Variants in PTPRN2 observed in about 807,000 individuals in gnomAD.
PTPRN2 encodes the protein protein tyrosine phosphatase receptor type N2, also known as receptor-type tyrosine-protein phosphatase N2.
In PTPRN2, 74 loss-of-function variants were observed where a neutral mutation model predicts 118.8. The observed-to-expected ratio is 0.62, with a 90% CI of 0.52 to 0.76. The LOEUF (loss-of-function observed/expected upper bound fraction) is 0.76. Among genes scored for constraint, PTPRN2 ranks in the 30% least tolerant of loss-of-function variants. PTPRN2 has a pLI of 0.00. For synonymous variants in PTPRN2, 641 were observed against 608.0 expected (o/e 1.05, Z -0.80); for missense variants, 1,481 against 1,394.4 (o/e 1.06, Z -0.99).
chr7:157,582,218 G>A (rs947946424), intron 17 of PTPRN2, among the ~76,000 whole-genome samples: 28 of 152,300 alleles, frequency 1.8e-4, no homozygotes, highest in African/African-American at 5.5e-4. Context: ...CCCCGCCTAC[G>A]CTTCCTATCA....
intron 12 of PTPRN2, among the ~76,000 whole-genome samples, chr7:157,811,367 CAT>C (rs557823221): frequency 2.2e-4 from 28 of 126,574 alleles, no homozygotes; most frequent in Non-Finnish European, 4.4e-4. Flanking sequence ...TATGCACACA[CAT>C]GTATGTTTTA....
chr7:158,208,241 T>C (rs1355689229), intron 3 of PTPRN2, among the ~76,000 whole-genome samples: 1 of 152,156 alleles, frequency 6.6e-6, no homozygotes, highest in African/African-American at 2.4e-5. Context: ...GTTGAAAGGA[T>C]AATAATGAGA....
At chr7:157,719,817 T>C (rs1208467462) in intron 12 of PTPRN2, among the ~76,000 whole-genome samples, 1 of 152,246 alleles carries the variant, frequency 6.6e-6, no homozygotes, top group African/African-American at 2.4e-5. Flanking sequence ...GTCTCATTAA[T>C]TTACAGTCTA....
chr7:158,341,161 G>A (rs1310769020), intron 2 of PTPRN2, among the ~76,000 whole-genome samples: 24 of 144,168 alleles, frequency 1.7e-4, no homozygotes, highest in South Asian at 2.2e-4. Flanking sequence ...GCTGACGCCC[G>A]CAGACGTCAC....
chr7:158,328,893 G>A (rs1029081324), intron 2 of PTPRN2, among the ~76,000 whole-genome samples: 6 of 137,046 alleles, frequency 4.4e-5, no homozygotes, highest in East Asian at 2.2e-4. Flanking sequence ...TGTTCCTCTC[G>A]CCACCCAGGG....
intron 2 of PTPRN2, among the ~76,000 whole-genome samples, chr7:158,391,753 CAGG>C (rs1340265718): frequency 6.6e-6 from 1 of 152,184 alleles, no homozygotes; most frequent in Non-Finnish European, 1.5e-5. Flanking sequence ...TGGGAGGAGG[CAGG>C]AGGTTTCCCC....
chr7:158,040,966 C>T (rs965160666), intron 11 of PTPRN2, among the ~76,000 whole-genome samples: 1 of 152,142 alleles, frequency 6.6e-6, no homozygotes, highest in African/African-American at 2.4e-5. Flanking sequence ...CTCCTGACCT[C>T]GTGATCTGCC....
chr7:157,767,282 C>T (rs1447762591), intron 12 of PTPRN2, among the ~76,000 whole-genome samples: 1 of 152,116 alleles, frequency 6.6e-6, no homozygotes, highest in African/African-American at 2.4e-5. Context: ...TTGGACCCTA[C>T]CAATTTAAGG....
At chr7:158,367,313 C>A (rs533643777) in intron 2 of PTPRN2, among the ~76,000 whole-genome samples, 1 of 152,246 alleles carries the variant, frequency 6.6e-6, no homozygotes, top group African/African-American at 2.4e-5. Context: ...TGGCCATGAG[C>A]CCCCGATTCT....
intron 21 of PTPRN2, among the ~76,000 whole-genome samples, chr7:157,555,555 C>T (rs1157965592): frequency 1.3e-5 from 2 of 152,200 alleles, no homozygotes; most frequent in East Asian, 1.9e-4. Flanking sequence ...GGAGGGCCAT[C>T]GTCGCCGTCT....
At chr7:158,167,654 A>C (rs1823153926) in intron 5 of PTPRN2, among the ~76,000 whole-genome samples, 2 of 152,240 alleles carry the variant, frequency 1.3e-5, no homozygotes, top group African/African-American at 2.4e-5. Context: ...GAGACTTTGC[A>C]GTGTTCCCAT....
intron 11 of PTPRN2, among the ~76,000 whole-genome samples, chr7:157,958,844 T>G (rs976697395): frequency 1.8e-4 from 27 of 152,160 alleles, no homozygotes; most frequent in African/African-American, 6.3e-4. Flanking sequence ...GATCTACAGA[T>G]TCAACATAAT....
intron 6 of PTPRN2, among the ~76,000 whole-genome samples, chr7:158,149,945 G>T (rs529411561): frequency 6.6e-6 from 1 of 152,068 alleles, no homozygotes; most frequent in South Asian, 2.1e-4. Flanking sequence ...TAAAACATAT[G>T]AAAAATAAAA....
chr7:158,564,111 A>G (rs1827539649), intron 1 of PTPRN2, among the ~76,000 whole-genome samples: 1 of 152,220 alleles, frequency 6.6e-6, no homozygotes, highest in Non-Finnish European at 1.5e-5. Flanking sequence ...CGTCTTGTTA[A>G]TCACAGGTCT....
rs1413994159 is a variant in PTPRN2, at chr7:157,690,086, G to C, written c.1789-7149C>G. On this transcript the variant is annotated intron_variant, in intron 12 of 22. Transcript: ENST00000389418. The surrounding 1 kb of genome is among the most constrained non-coding windows in gnomAD (Gnocchi z 7.1). ...GGAACTGCAGGGAGTGGGGAGCAAC[G>C]CGAAAGGCCGAGAGAAGAGCGCTGG... is the stretch of plus-strand genomic sequence containing the variant. Among the ~76,000 whole-genome samples the C allele has an allele frequency of 6.6e-6, 1 of 152,208 alleles. No individual in the cohort carries two copies. Among genetic ancestry groups the C allele is most frequent in the African/African-American group, 2.4e-5 (1 of 41,454 alleles).
chr7:157,718,506 C>G (rs977649661), intron 12 of PTPRN2, among the ~76,000 whole-genome samples: 2 of 152,144 alleles, frequency 1.3e-5, no homozygotes, highest in Non-Finnish European at 2.9e-5. Flanking sequence ...AGGTCTGCCC[C>G]GCAGCCCTGA....
intron 2 of PTPRN2, among the ~76,000 whole-genome samples, chr7:158,463,802 T>C (rs571857395): frequency 5.6e-4 from 83 of 148,592 alleles, no homozygotes; most frequent in Non-Finnish European, 8.2e-4. Flanking sequence ...TGCCATTTAA[T>C]AAATAATCCT....
At chr7:157,800,402 C>T (rs1039264775) in intron 12 of PTPRN2, among the ~76,000 whole-genome samples, 5 of 152,210 alleles carry the variant, frequency 3.3e-5, no homozygotes, top group East Asian at 1.9e-4. Context: ...GGACCCCTAG[C>T]GTGCTTCCCC....
chr7:157,644,402 C>G (rs1804893221), intron 14 of PTPRN2, among the ~76,000 whole-genome samples: 1 of 152,214 alleles, frequency 6.6e-6, no homozygotes, highest in Non-Finnish European at 1.5e-5. Context: ...GGGATGTCGT[C>G]ACGGCAGCCC....
Sources: gnomAD v4.1 joint callset for allele counts (sites outside exome capture counted in the v4.1 genomes callset) on GRCh38, gnomAD v4.1.1 for gene constraint, Gnocchi (gnomAD v3.1) non-coding constraint, MANE v1.5 for transcripts, NCBI Gene and HGNC (gene_info 2026-07-23, HGNC 2026-07-21) for gene names.